C5orf46: variants seen among roughly 807,000 people sequenced by gnomAD.
C5orf46 encodes the protein chromosome 5 open reading frame 46.
Under a neutral mutation model 8.9 loss-of-function variants are expected in C5orf46, and 9 were observed. That is an observed-to-expected ratio of 1.01 (90% CI 0.61 to 1.76). C5orf46 has a LOEUF of 1.76. C5orf46 is among the 40% of genes most tolerant of loss of function. The pLI, the probability that C5orf46 is intolerant of heterozygous loss-of-function variation, is 0.00. For missense variants in C5orf46, 98 were observed against 107.8 expected, an observed-to-expected ratio of 0.91 and a Z score of 0.40; for synonymous variants, 47 against 41.4, an observed-to-expected ratio of 1.14 and a Z score of -0.52.
intron 2 of C5orf46, chr5:147,886,800 G>A (rs1757427187): frequency 6.6e-6 from 1 of 151,898 alleles, no homozygotes; most frequent in Non-Finnish European, 1.5e-5. Context: ...GCTATAGTGA[G>A]CATGCATATT....
chr5:147,887,279 T>C (rs1380960362), intron 2 of C5orf46: 1 of 152,176 alleles, frequency 6.6e-6, no homozygotes, highest in Non-Finnish European at 1.5e-5. Context: ...ATATGCAAGG[T>C]AGATAATGAG....
chr5:147,893,732 G>C (rs1336734005), intron 3 of C5orf46, among the ~76,000 whole-genome samples: 1 of 146,388 alleles, frequency 6.8e-6, no homozygotes, highest in Non-Finnish European at 1.5e-5. Flanking sequence ...AGTAGAGACA[G>C]TGTTTCTCCA....
At chr5:147,897,571 G>T (rs540787706) in intron 2 of C5orf46, among the ~76,000 whole-genome samples, 2 of 152,144 alleles carry the variant, frequency 1.3e-5, no homozygotes, top group South Asian at 4.1e-4. Flanking sequence ...TGCTGAGATC[G>T]TAAAAGATAA....
intron 1 of C5orf46, among the ~76,000 whole-genome samples, chr5:147,905,073 G>A (rs2127133128): frequency 6.6e-6 from 1 of 151,840 alleles, no homozygotes; most frequent in East Asian, 1.9e-4. Flanking sequence ...TTTTAAAAAT[G>A]CTATTAAAAT....
intron 2 of C5orf46, among the ~76,000 whole-genome samples, chr5:147,899,770 T>C (rs1268467241): frequency 6.6e-6 from 1 of 152,192 alleles, no homozygotes; most frequent in Non-Finnish European, 1.5e-5. Flanking sequence ...TCTGAGGAAG[T>C]GACTTTTAGA....
At chr5:147,903,480 T>A (rs976178693) in intron 1 of C5orf46, among the ~76,000 whole-genome samples, 3 of 152,198 alleles carry the variant, frequency 2.0e-5, no homozygotes, top group Non-Finnish European at 2.9e-5. Flanking sequence ...CCCCTGACTT[T>A]GGATAAAGGA....
intron 1 of C5orf46, among the ~76,000 whole-genome samples, chr5:147,904,596 G>A (rs1757721112): frequency 1.3e-5 from 2 of 152,114 alleles, no homozygotes; most frequent in African/African-American, 2.4e-5. Context: ...GATGCAAGAA[G>A]CCTGGGATTG....
At chr5:147,902,213 A>C (rs890230279) in intron 1 of C5orf46, among the ~76,000 whole-genome samples, 1 of 152,174 alleles carries the variant, frequency 6.6e-6, no homozygotes, top group Non-Finnish European at 1.5e-5. Flanking sequence ...GCACTTTGGG[A>C]GGGTGAGATG....
chr5:147,902,997 G>A (rs1417804482), intron 1 of C5orf46, among the ~76,000 whole-genome samples: 1 of 152,166 alleles, frequency 6.6e-6, no homozygotes, highest in African/African-American at 2.4e-5. Context: ...ATAACTGCAG[G>A]CCTCTTAACA....
At chr5:147,906,198 G>A (rs937194139) in intron 1 of C5orf46, among the ~76,000 whole-genome samples, 2 of 152,150 alleles carry the variant, frequency 1.3e-5, no homozygotes, top group African/African-American at 2.4e-5. Context: ...TATATCATAA[G>A]AGCACATAAA....
chr5:147,886,629 C>T (rs1757424793), intron 2 of C5orf46: 1 of 151,006 alleles, frequency 6.6e-6, no homozygotes, highest in Non-Finnish European at 1.5e-5. Flanking sequence ...TTTTTCAAGA[C>T]ATTTTCTAAA....
At chr5:147,896,558 TA>T (rs1561630623) in intron 3 of C5orf46, among the ~76,000 whole-genome samples, 1 of 152,186 alleles carries the variant, frequency 6.6e-6, no homozygotes, top group Non-Finnish European at 1.5e-5. Context: ...CCCATATATC[TA>T]ACTGCGTGAG....
intron 3 of C5orf46, among the ~76,000 whole-genome samples, chr5:147,896,106 G>A (rs891263223): frequency 3.3e-5 from 5 of 152,068 alleles, no homozygotes; most frequent in Admixed American, 6.6e-5. Flanking sequence ...ACATCTTGAG[G>A]TATGACTTAG....
At chr5:147,891,284 C>T (rs190833325), downstream of C5orf46, among the ~76,000 whole-genome samples, 3 of 152,074 alleles carry the variant, frequency 2.0e-5, no homozygotes, top group Non-Finnish European at 2.9e-5. Flanking sequence ...AAGAAAAATT[C>T]TATGCAGATG....
In C5orf46 at chr5:147,901,489, G is replaced by A. The variant is rs560187170; in HGVS notation, c.215+140C>T. 3.7e-3 allele frequency: 2,725 copies of A among 730,972 alleles called. 21 individuals carry two copies. Among genetic ancestry groups the A allele is most frequent in the Middle Eastern group, 2.9e-3 (7 of 2,456 alleles). The allele number at this position is 730,972 out of a possible 1,614,324, so 45.3% of individuals were successfully genotyped here. A position where few individuals can be genotyped will look rare whatever the true frequency, so the allele number is the denominator to read the frequency against. On this transcript the variant is annotated intron_variant, in intron 2 of 3. Transcript: ENST00000318315. Reference sequence around the variant, plus strand: ...CAGATGCAAAATATATTTTAAGTAGGGCAACATTTTTCAATGAAAAATAAC... The same window carrying A: ...CAGATGCAAAATATATTTTAAGTAGAGCAACATTTTTCAATGAAAAATAAC...
chr5:147,902,281 C>T (rs77939497), intron 1 of C5orf46, among the ~76,000 whole-genome samples: 3,138 of 152,078 alleles, frequency 0.021, 87 homozygotes, highest in East Asian at 0.11. Flanking sequence ...GTGAGACTTC[C>T]ATCTCTACAA....
In C5orf46 at chr5:147,903,836, G is replaced by A. The variant is rs116089275; in HGVS notation, c.71-2063C>T. 2.4e-3 allele frequency among the ~76,000 whole-genome samples: 368 copies of A among 152,196 alleles called. 1 individual carries two copies. Among genetic ancestry groups the A allele is most frequent in the African/African-American group, 8.4e-3 (348 of 41,530 alleles). On this transcript the variant is annotated intron_variant, in intron 1 of 3. Transcript: ENST00000318315. ...GATTACAGCTCACTGCAGGCTCAAC[G>A]TCCTGGGCTCAAGACATCCTCCCAC...
chr5:147,889,762 G>A (rs1232272984), downstream of C5orf46, among the ~76,000 whole-genome samples: 1 of 152,170 alleles, frequency 6.6e-6, no homozygotes, highest in Non-Finnish European at 1.5e-5. Flanking sequence ...ACTCAACTGG[G>A]TGATCTTGTC....
intron 1 of C5orf46, among the ~76,000 whole-genome samples, chr5:147,903,786 C>T (rs560246285): frequency 5.9e-5 from 9 of 152,150 alleles, no homozygotes; most frequent in Non-Finnish European, 8.8e-5. Context: ...TTCACTCTCT[C>T]GTCCAGGCTG....
Sources: gnomAD v4.1 joint callset for allele counts (sites outside exome capture counted in the v4.1 genomes callset) on GRCh38, gnomAD v4.1.1 for gene constraint, MANE v1.5 for transcripts, NCBI Gene and HGNC (gene_info 2026-07-23, HGNC 2026-07-21) for gene names.